Variants in SRA1 observed in about 807,000 individuals in gnomAD.
The protein encoded by SRA1 is steroid receptor RNA activator 1.
SRA1 carries 25 observed loss-of-function variants against 24.3 expected under a neutral mutation model. The observed-to-expected ratio is 1.03, with a 90% CI of 0.75 to 1.43. The LOEUF (loss-of-function observed/expected upper bound fraction) is 1.43. Among genes scored for constraint, SRA1 ranks in the 40% most tolerant of loss-of-function variants. The probability of loss-of-function intolerance (pLI) is 0.00; values close to 1 mark genes in which losing one functional copy is unlikely to be tolerated. For missense variants in SRA1, 303 were observed against 286.6 expected (o/e 1.06, Z -0.41); for synonymous variants, 104 against 109.5 (o/e 0.95, Z 0.31).
In SRA1 at chr5:140,551,020, C is replaced by G. The variant is rs199995749; in HGVS notation, c.463+41G>C. ...CCTGCTCCAGCATAGCCAACCACAG[C>G]AGGAAAGGGATTTAGGCTATACCAA... On this transcript the variant is annotated intron_variant, in intron 4 of 4. Transcript: ENST00000336283. The G allele has an allele frequency of 2.9e-5, 46 of 1,586,422 alleles. No homozygotes were observed. The East Asian group carries it at 1.0e-3, about 35-fold the overall frequency.
chr5:140,554,647 G>A (rs963916179), intron 2 of SRA1, among the ~76,000 whole-genome samples: 2 of 152,140 alleles, frequency 1.3e-5, no homozygotes, highest in East Asian at 1.9e-4. Flanking sequence ...TCCCGTTAGT[G>A]TACAAACATG....
chr5:140,550,695 G>A lies in SRA1; in HGVS notation c.*5C>T, dbSNP rs201882923. 111 of 1,614,010 alleles carry A rather than the reference G, an allele frequency of 6.9e-5. No individual in the cohort carries two copies. In the Middle Eastern group the frequency reaches 8.3e-4, roughly 12 times the overall value. ...TGGTGTCCGGTGAGTCTGGGGAACCGAGGATTATGAAGCCTGCTGGAAGCC... is the reference window on the plus strand; with the variant it reads ...TGGTGTCCGGTGAGTCTGGGGAACCAAGGATTATGAAGCCTGCTGGAAGCC... On this transcript the variant is annotated 3_prime_UTR_variant, in exon 5 of 5. Transcript: ENST00000336283.
intron 2 of SRA1, among the ~76,000 whole-genome samples, chr5:140,555,544 C>T (rs1170157562): frequency 6.6e-6 from 1 of 152,080 alleles, no homozygotes; most frequent in Non-Finnish European, 1.5e-5. Context: ...CTCCTTTTTT[C>T]TTCTTTGGCC....
intron 2 of SRA1, among the ~76,000 whole-genome samples, chr5:140,554,044 T>G (rs889760369): frequency 6.6e-6 from 1 of 152,304 alleles, no homozygotes; most frequent in South Asian, 2.1e-4. Flanking sequence ...CCAGTGATCA[T>G]TTTTTCCCAC....
At chr5:140,550,967 C>A in intron 4 of SRA1, 56 bp from the exon 5 acceptor site, 2 of 1,580,170 alleles carry the variant, frequency 1.3e-6, no homozygotes, top group Non-Finnish European at 1.7e-6. Context: ...TTCCATGCCT[C>A]CCCTCCCAGT....
intron 2 of SRA1, among the ~76,000 whole-genome samples, chr5:140,555,837 G>T (rs1754680362): frequency 6.7e-6 from 1 of 150,320 alleles, no homozygotes; most frequent in African/African-American, 2.5e-5. Context: ...CATTCCTACT[G>T]ACCTTCTCCA....
chr5:140,551,624 C>G (rs956634539), intron 3 of SRA1: 1 of 224,960 alleles, frequency 4.4e-6, no homozygotes, highest in Non-Finnish European at 8.7e-6. Context: ...AACACTATAG[C>G]TAGAAGAGGT....
At chr5:140,553,413 G>A (rs1343438142) in intron 2 of SRA1, among the ~76,000 whole-genome samples, 1 of 152,200 alleles carries the variant, frequency 6.6e-6, no homozygotes, top group East Asian at 1.9e-4. Flanking sequence ...ATGCAGCTAT[G>A]AAGAGTTGAA....
intron 2 of SRA1, among the ~76,000 whole-genome samples, 175 bp downstream of exon 2, chr5:140,556,972 G>A (rs1754722706): frequency 6.6e-6 from 1 of 152,092 alleles, no homozygotes; most frequent in Admixed American, 6.5e-5. Context: ...TTATTAACCT[G>A]AGCAGCAGAG....
chr5:140,557,100 C>T (rs201013103), intron 2 of SRA1, 47 bp downstream of exon 2: 6 of 1,139,606 alleles, frequency 5.3e-6, no homozygotes, highest in South Asian at 2.8e-5. Context: ...CTTACACCCC[C>T]CCCCCCCCAT....
intron 2 of SRA1, 113 bp downstream of exon 2, chr5:140,557,034 T>A (rs554489225): frequency 9.9e-7 from 1 of 1,009,484 alleles, no homozygotes; most frequent in South Asian, 1.6e-5. Flanking sequence ...GCCCCAAAAC[T>A]TCTCTCCTTA....
At position 140,552,099 on chromosome 5, in the gene SRA1, C is replaced by T; in HGVS notation, c.237G>A (p.Gly79=). Reference sequence around the variant, plus strand: ...GCTCCACGCCAGAGGCAGGACCACTCCCCACAGGTGGGGACCTGGGAGCCT... The same window carrying T: ...GCTCCACGCCAGAGGCAGGACCACTTCCCACAGGTGGGGACCTGGGAGCCT... ...SSKAPRSPPV[G]SGPASGVEPT... is the part of the protein sequence containing the mutation. Residue 79 remains glycine, a synonymous_variant, in exon 3 of 5, where the codon GGG becomes GGA. Coordinates refer to ENST00000336283, the MANE Select transcript of SRA1 (RefSeq NM_001035235.4). 6.2e-7 allele frequency: 1 copy of T among 1,613,774 alleles called. No homozygotes were observed. The highest frequency in any genetic ancestry group is 8.5e-7 in the Non-Finnish European group (1 of 1,179,820).
At chr5:140,557,909 ATG>A, upstream of SRA1, 1 of 200,932 alleles carries the variant, frequency 5.0e-6, no homozygotes. Context: ...GCCTTCTGGA[ATG>A]TCTCAGGCCA....
chr5:140,550,663 T>G lies in SRA1; in HGVS notation c.*37A>C. The G allele has an allele frequency of 1.3e-6, 2 of 1,598,454 alleles. No individual in the cohort carries two copies. The highest frequency in any genetic ancestry group is 1.7e-6 in the Non-Finnish European group (2 of 1,165,868). On this transcript the variant is annotated 3_prime_UTR_variant, in exon 5 of 5. Transcript: ENST00000336283. ...CAAGTGACAGAAGGTCTCCAAGGCA[T>G]AGGAGATGGTGTCCGGTGAGTCTGG...
rs1754529241 is a variant in SRA1 at position 140,550,748 on chromosome 5, G to A, written c.627C>T (p.Ala209=). The A allele has an allele frequency of 3.7e-6, 6 of 1,613,958 alleles. No individual in the cohort carries two copies. The highest frequency in any genetic ancestry group is 5.1e-6 in the Non-Finnish European group (6 of 1,180,026). ...EEAANEEKSA[A]TAEKNHTIPG... ...GTATGGTATGGTTCTTCTCAGCTGT[G>A]GCTGCAGATTTCTCTTCATTGGCTG... Residue 209 remains alanine (A), a synonymous_variant, in exon 5 of 5, where the codon GCC becomes GCT. Coordinates refer to ENST00000336283, the MANE Select transcript of SRA1 (RefSeq NM_001035235.4).
At chr5:140,552,832 T>G (rs73267612) in intron 2 of SRA1, among the ~76,000 whole-genome samples, 22,435 of 152,006 alleles carry the variant, frequency 0.15, 1,755 homozygotes, top group Middle Eastern at 0.19. Context: ...GTTAGTCAAG[T>G]GTGGTGGCAC....
chr5:140,551,945 G>T, intron 3 of SRA1, 37 bp downstream of exon 3: 1 of 1,584,480 alleles, frequency 6.3e-7, no homozygotes, highest in Non-Finnish European at 8.6e-7. Context: ...GGCTGTGGAT[G>T]GGAGCCCTCT....
intron 2 of SRA1, among the ~76,000 whole-genome samples, chr5:140,554,233 C>T (rs561499783): frequency 6.6e-6 from 1 of 152,216 alleles, no homozygotes; most frequent in East Asian, 1.9e-4. Flanking sequence ...TTAAACCCAA[C>T]TTGCTTGCAC....
At position 140,557,270 on chromosome 5, in the gene SRA1, T is replaced by TG; in HGVS notation, c.27dup (p.Asn10GlnfsTer62). ...GGGTCGTTCCAGCCGCGTTCCTTGT[T>TG]GCCTGCGGAGGCGAGGGATGTGTGA... On this transcript the variant is annotated frameshift_variant and splice_region_variant, in exon 2 of 5. Transcript: ENST00000336283. LOFTEE classifies it high-confidence loss of function. The TG allele has an allele frequency of 6.2e-7, 1 of 1,611,470 alleles. No homozygotes were observed. The highest frequency in any genetic ancestry group is 8.5e-7 in the Non-Finnish European group (1 of 1,179,936).
Sources: gnomAD v4.1 joint callset for allele counts (sites outside exome capture counted in the v4.1 genomes callset) on GRCh38, gnomAD v4.1.1 for gene constraint, MANE v1.5 for transcripts, NCBI Gene and HGNC (gene_info 2026-07-23, HGNC 2026-07-21) for gene names.